WDPCP: variants seen among roughly 807,000 people sequenced by gnomAD.
The protein encoded by WDPCP is WD repeat-containing and planar cell polarity effector protein fritz homolog.
WDPCP carries 71 observed loss-of-function variants against 93.1 expected under a neutral mutation model. That is an observed-to-expected ratio of 0.76 (90% confidence interval 0.63 to 0.93). The LOEUF is 0.93. WDPCP is among the 40% of genes least tolerant of loss of function. The probability of loss-of-function intolerance (pLI) is 0.00; values close to 1 mark genes in which losing one functional copy is unlikely to be tolerated. For synonymous variants in WDPCP, 315 were observed against 315.0 expected, an observed-to-expected ratio of 1.00 and a Z score of 0.00; for missense variants, 844 against 887.4, an observed-to-expected ratio of 0.95 and a Z score of 0.62.
At chr2:63,574,768 G>A (rs967856066) in intron 1 of WDPCP, among the ~76,000 whole-genome samples, 4 of 152,088 alleles carry the variant, frequency 2.6e-5, no homozygotes, top group African/African-American at 7.2e-5. Context: ...TCATTGACTA[G>A]GCCATGCTAC....
chr2:63,766,247 T>C, intron 2 of WDPCP, among the ~76,000 whole-genome samples: 1 of 152,296 alleles, frequency 6.6e-6, no homozygotes, highest in African/African-American at 2.4e-5. Flanking sequence ...ACATATACAT[T>C]ACATACATAT....
chr2:63,243,485 C>G (rs1051751456), intron 14 of WDPCP, among the ~76,000 whole-genome samples: 2 of 151,992 alleles, frequency 1.3e-5, no homozygotes, highest in African/African-American at 4.8e-5. Context: ...CTGTTTACTT[C>G]ATTGATAGTT....
intron 13 of WDPCP, among the ~76,000 whole-genome samples, chr2:63,281,089 A>G (rs1440315313): frequency 1.3e-5 from 2 of 152,210 alleles, no homozygotes; most frequent in Non-Finnish European, 2.9e-5. Flanking sequence ...CATCTAACGA[A>G]GGACTAATAT....
At chr2:63,558,527 CAAAAAAAAAAAA>C (rs57582852) in intron 1 of WDPCP, among the ~76,000 whole-genome samples, 1 of 143,256 alleles carries the variant, frequency 7.0e-6, no homozygotes, top group Non-Finnish European at 1.6e-5. Flanking sequence ...GACTCTGTCT[CAAAAAAAAAAAA>C]AAAAAAGAAA....
At chr2:63,807,488 A>G (rs1575778412) in intron 2 of WDPCP, among the ~76,000 whole-genome samples, 1 of 152,288 alleles carries the variant, frequency 6.6e-6, no homozygotes, top group South Asian at 2.1e-4. Flanking sequence ...TACTGGCACC[A>G]CGCTTCTTAT....
At chr2:63,255,005 G>A (rs988136143) in intron 14 of WDPCP, among the ~76,000 whole-genome samples, 88 of 152,086 alleles carry the variant, frequency 5.8e-4, no homozygotes, top group Non-Finnish European at 2.8e-4. Context: ...TGCAATTCAC[G>A]ATATTAATAG....
chr2:63,628,868 A>G (rs571271977), intron 3 of WDPCP, among the ~76,000 whole-genome samples: 10 of 152,164 alleles, frequency 6.6e-5, no homozygotes, highest in Non-Finnish European at 1.3e-4. Context: ...CAATACAGAA[A>G]ACCAACTTGG....
intron 6 of WDPCP, among the ~76,000 whole-genome samples, chr2:63,482,090 T>C (rs1331696586): frequency 6.6e-6 from 1 of 152,008 alleles, no homozygotes; most frequent in East Asian, 1.9e-4. Context: ...TGGTAAATGA[T>C]GAAAACTCAC....
chr2:63,499,828 T>G (rs1014752933), intron 1 of WDPCP, among the ~76,000 whole-genome samples: 1 of 152,210 alleles, frequency 6.6e-6, no homozygotes, highest in African/African-American at 2.4e-5. Context: ...TGCATCATCA[T>G]GTGCCCAGTA....
chr2:63,535,792 A>G (rs998052227), intron 1 of WDPCP, among the ~76,000 whole-genome samples: 2 of 152,248 alleles, frequency 1.3e-5, no homozygotes, highest in African/African-American at 4.8e-5. Context: ...CATTCAGAAC[A>G]TAGGCATGGG....
intron 13 of WDPCP, among the ~76,000 whole-genome samples, chr2:63,298,968 C>G (rs1467111431): frequency 6.6e-6 from 1 of 152,222 alleles, no homozygotes; most frequent in Non-Finnish European, 1.5e-5. Flanking sequence ...TAAGCCACAT[C>G]TTTTGTGGGC....
At chr2:63,556,346 A>G (rs1706120428) in intron 1 of WDPCP, among the ~76,000 whole-genome samples, 1 of 152,264 alleles carries the variant, frequency 6.6e-6, no homozygotes, top group African/African-American at 2.4e-5. Flanking sequence ...CTATGGGGTT[A>G]TGTAAAAAGT....
At chr2:63,708,291 G>A (rs1056247643) in intron 2 of WDPCP, among the ~76,000 whole-genome samples, 16 of 152,292 alleles carry the variant, frequency 1.1e-4, no homozygotes, top group Admixed American at 2.0e-4. Context: ...TGAGCTTCCC[G>A]GCCGCTTTGT....
At chr2:63,381,851 A>C in intron 11 of WDPCP, 55 bp downstream of exon 11, 1 of 1,582,870 alleles carries the variant, frequency 6.3e-7, no homozygotes, top group Non-Finnish European at 8.6e-7. Context: ...TAACTCAATA[A>C]AATCTATTTC....
At chr2:63,754,854 G>C (rs1201503800) in intron 2 of WDPCP, among the ~76,000 whole-genome samples, 1 of 152,168 alleles carries the variant, frequency 6.6e-6, no homozygotes, top group African/African-American at 2.4e-5. Context: ...TTATCTCATT[G>C]TTATTTTGGG....
chr2:63,633,816 C>T (rs1709889984), intron 3 of WDPCP, among the ~76,000 whole-genome samples: 1 of 152,218 alleles, frequency 6.6e-6, no homozygotes, highest in African/African-American at 2.4e-5. Context: ...AATCCCAGCA[C>T]TTTCGGAGGC....
At chr2:63,276,159 C>T (rs908489280) in intron 13 of WDPCP, among the ~76,000 whole-genome samples, 1 of 152,184 alleles carries the variant, frequency 6.6e-6, no homozygotes, top group Admixed American at 6.5e-5. Flanking sequence ...TCTCAGGAAA[C>T]CCCATCCCTA....
chr2:63,673,879 T>G (rs1710374265), intron 2 of WDPCP, among the ~76,000 whole-genome samples: 2 of 152,222 alleles, frequency 1.3e-5, no homozygotes. Flanking sequence ...AATGTTTTTC[T>G]AATTGTCCTC....
intron 1 of WDPCP, among the ~76,000 whole-genome samples, chr2:63,585,404 T>G (rs1708775159): frequency 6.6e-6 from 1 of 152,178 alleles, no homozygotes; most frequent in South Asian, 2.1e-4. Flanking sequence ...AGCCAAAGTT[T>G]TTTTTTTCAG....
Sources: allele counts gnomAD v4.1 joint callset (sites outside exome capture counted in the v4.1 genomes callset), GRCh38; gene constraint gnomAD v4.1.1; transcripts MANE v1.5; gene names NCBI Gene and HGNC (gene_info 2026-07-23, HGNC 2026-07-21).